Variants in CCDC141 observed in about 807,000 individuals in gnomAD.
CCDC141 encodes coiled-coil domain-containing protein 141.
A neutral mutation model predicts 181.0 loss-of-function variants in CCDC141; 168 were observed. The ratio of observed to expected loss-of-function variants is 0.93; its 90% CI spans 0.82 to 1.05. The LOEUF is 1.05. Among genes scored for constraint, CCDC141 ranks in the 50% least tolerant of loss-of-function variants. CCDC141 has a pLI of 0.00. For synonymous variants in CCDC141, 666 were observed against 642.3 expected (o/e 1.04, Z -0.56); for missense variants, 1,902 against 1,788.5 (o/e 1.06, Z -1.14).
chr2:179,042,376 C>T (rs915987919), intron 2 of CCDC141, among the ~76,000 whole-genome samples: 3 of 152,102 alleles, frequency 2.0e-5, no homozygotes, highest in Admixed American at 6.5e-5. Flanking sequence ...GACAGTCTTG[C>T]TCCGTCTGTC....
rs553676013 is a variant in CCDC141 at position 178,940,341 on chromosome 2, G to C, written c.897+4194C>G. Among the ~76,000 whole-genome samples the C allele has an allele frequency of 7.9e-5, 12 of 152,212 alleles. No individual in the cohort carries two copies. In the South Asian group the frequency reaches 2.3e-3, roughly 29 times the overall value. ...AAATTAGCATACTGAAGAACACAAA[G>C]AACTGTATAAACTAGATGCAAACAG... On this transcript the variant is annotated intron_variant, in intron 6 of 23. Transcript: ENST00000443758.
chr2:178,919,185 C>T (rs1056068869), intron 6 of CCDC141, among the ~76,000 whole-genome samples: 2 of 152,250 alleles, frequency 1.3e-5, no homozygotes, highest in South Asian at 4.1e-4. Context: ...ACTTCTCACA[C>T]CCAGGACAAT....
At chr2:178,934,462 T>A (rs1689209968) in intron 6 of CCDC141, among the ~76,000 whole-genome samples, 1 of 152,184 alleles carries the variant, frequency 6.6e-6, no homozygotes, top group African/African-American at 2.4e-5. Context: ...TGGTTTATAA[T>A]CATCCATGTC....
Position 178,954,822 on chromosome 2 carries a change from AC to A in CCDC141, c.780+6407del, listed in dbSNP as rs1415223008. 3.5e-4 allele frequency among the ~76,000 whole-genome samples: 53 copies of A among 149,330 alleles called. 1 individual carries two copies. Among genetic ancestry groups the A allele is most frequent in the South Asian group, 1.0e-3 (5 of 4,764 alleles). ...GTAAGACAGAACTGACAAAAAAAAA[AC>A]CAAAAAACTTTGCCCTTCAATGAAA... On this transcript the variant is annotated intron_variant, in intron 5 of 23. Coordinates refer to ENST00000443758, the MANE Select transcript of CCDC141 (RefSeq NM_173648.4).
At chr2:178,991,651 A>G (rs1469584004) in intron 2 of CCDC141, among the ~76,000 whole-genome samples, 1 of 152,042 alleles carries the variant, frequency 6.6e-6, no homozygotes, top group East Asian at 1.9e-4. Context: ...TAATTATTAT[A>G]TATTTCAAAA....
At chr2:178,976,315 T>C (rs1691120605) in intron 3 of CCDC141, among the ~76,000 whole-genome samples, 1 of 152,212 alleles carries the variant, frequency 6.6e-6, no homozygotes, top group South Asian at 2.1e-4. Flanking sequence ...ACGGTACTTA[T>C]CTTCTGTTTC....
chr2:178,946,220 T>C (rs1689725780), intron 5 of CCDC141, among the ~76,000 whole-genome samples: 1 of 152,236 alleles, frequency 6.6e-6, no homozygotes, highest in African/African-American at 2.4e-5. Flanking sequence ...TGTGCTTATG[T>C]ATTTACAATT....
At chr2:178,815,955 T>A in the CCDC141 span, among the ~76,000 whole-genome samples, 1 of 152,168 alleles carries the variant, frequency 6.6e-6, no homozygotes, top group African/African-American at 2.4e-5. Flanking sequence ...TATGTAAGTT[T>A]AAAAAACAGT....
rs1020571939 is a variant in CCDC141, at chr2:178,832,478, A to C, written c.*1695T>G. ...AAGACTCTTTCTCAAAAAAAAAAAA[A>C]AAAAACAAAAAAAACAAAAAAAAGA... On this transcript the variant is annotated 3_prime_UTR_variant, in exon 24 of 24. Coordinates refer to ENST00000443758, the MANE Select transcript of CCDC141 (RefSeq NM_173648.4). 22 of 134,274 alleles carry C rather than the reference A, an allele frequency of 1.6e-4. 1 individual carries two copies. The highest frequency in any genetic ancestry group is 6.6e-4 in the East Asian group (3 of 4,546). The allele number at this position is 134,274 out of a possible 1,614,324, so 8.3% of individuals were successfully genotyped here.
intron 6 of CCDC141, among the ~76,000 whole-genome samples, chr2:178,933,643 G>C (rs139437667): frequency 9.2e-5 from 14 of 152,244 alleles, no homozygotes; most frequent in East Asian, 5.8e-4. Context: ...TCTGTCTTCT[G>C]TCTCCCTCCC....
intron 1 of CCDC141, among the ~76,000 whole-genome samples, chr2:179,048,281 G>C (rs569659368): frequency 6.6e-6 from 1 of 152,134 alleles, no homozygotes; most frequent in Non-Finnish European, 1.5e-5. Context: ...TCACACACAG[G>C]CACTTCCATT....
At chr2:178,970,946 A>T (rs1690857762) in intron 4 of CCDC141, among the ~76,000 whole-genome samples, 1 of 152,240 alleles carries the variant, frequency 6.6e-6, no homozygotes, top group Non-Finnish European at 1.5e-5. Context: ...ACAGTGGCTC[A>T]CGCCTGTAAT....
intron 4 of CCDC141, among the ~76,000 whole-genome samples, chr2:178,971,957 G>A (rs1365808989): frequency 1.3e-5 from 2 of 152,132 alleles, no homozygotes; most frequent in South Asian, 2.1e-4. Context: ...ATAACATTAG[G>A]AGAAATACCT....
At chr2:178,936,303 A>C (rs909347267) in intron 6 of CCDC141, among the ~76,000 whole-genome samples, 2 of 152,046 alleles carry the variant, frequency 1.3e-5, no homozygotes, top group Non-Finnish European at 2.9e-5. Flanking sequence ...GTTCACCTTT[A>C]ATCTTCTGCA....
intron 2 of CCDC141, among the ~76,000 whole-genome samples, chr2:178,991,082 T>A (rs1692032313): frequency 6.6e-6 from 1 of 152,328 alleles, no homozygotes; most frequent in African/African-American, 2.4e-5. Context: ...TGAAACAACC[T>A]GCTGCAACTC....
chr2:179,015,839 T>G (rs190616546), intron 2 of CCDC141, among the ~76,000 whole-genome samples: 129 of 140,006 alleles, frequency 9.2e-4, no homozygotes, highest in Non-Finnish European at 1.4e-3. Flanking sequence ...ATCATATATA[T>G]CTCATATATC....
intron 6 of CCDC141, among the ~76,000 whole-genome samples, chr2:178,925,490 C>T (rs565544294): frequency 2.2e-4 from 34 of 152,278 alleles, no homozygotes; most frequent in South Asian, 6.2e-4. Context: ...AACAAATCTT[C>T]AAAATAGTGA....
intron 2 of CCDC141, among the ~76,000 whole-genome samples, chr2:178,987,081 C>CT (rs1169335548): frequency 4.1e-3 from 600 of 147,856 alleles, no homozygotes; most frequent in African/African-American, 0.014. Context: ...TACAAGGCTA[C>CT]AGTAACCAAA....
intron 5 of CCDC141, among the ~76,000 whole-genome samples, chr2:178,958,348 T>C (rs1315506555): frequency 1.3e-5 from 2 of 152,004 alleles, no homozygotes; most frequent in Non-Finnish European, 2.9e-5. Flanking sequence ...CCATTGATTG[T>C]AAACAAGCTA....
Sources: gnomAD v4.1 joint callset for allele counts (sites outside exome capture counted in the v4.1 genomes callset) on GRCh38, gnomAD v4.1.1 for gene constraint, MANE v1.5 for transcripts, NCBI Gene and HGNC (gene_info 2026-07-23, HGNC 2026-07-21) for gene names.